CATSPERT: variants seen among roughly 807,000 people sequenced by gnomAD.
The protein encoded by CATSPERT is catsper channel auxiliary subunit tau.
At chr2:201,587,034 G>T in the CATSPERT span, among the ~76,000 whole-genome samples, 2 of 151,186 alleles carry the variant, frequency 1.3e-5, no homozygotes, top group Admixed American at 6.6e-5. Flanking sequence ...ACTTTTAGTG[G>T]TTGCTGTAGG....
At chr2:201,567,447 C>T in the CATSPERT span, among the ~76,000 whole-genome samples, 76 of 152,062 alleles carry the variant, frequency 5.0e-4, no homozygotes, top group African/African-American at 1.8e-3. Flanking sequence ...CTGAGAAGTC[C>T]CAAGATCTGC....
At chr2:201,490,868 C>T in the CATSPERT span, among the ~76,000 whole-genome samples, 7 of 152,038 alleles carry the variant, frequency 4.6e-5, no homozygotes, top group African/African-American at 1.4e-4. Context: ...GGACTGCAGG[C>T]GCCCGCCACC....
the CATSPERT span, chr2:201,557,950 T>C: frequency 5.3e-5 from 8 of 152,340 alleles, no homozygotes; most frequent in African/African-American, 1.7e-4. Flanking sequence ...TCTTTAGAGC[T>C]ACACTCTTCA....
chr2:201,571,177 A>C, the CATSPERT span, among the ~76,000 whole-genome samples: 1 of 152,080 alleles, frequency 6.6e-6, no homozygotes, highest in Non-Finnish European at 1.5e-5. Flanking sequence ...AGGTAAACAT[A>C]AGAAAAAGTT....
chr2:201,500,743 C>G, the CATSPERT span, among the ~76,000 whole-genome samples: 1 of 152,018 alleles, frequency 6.6e-6, no homozygotes, highest in Non-Finnish European at 1.5e-5. Context: ...CACAATATTA[C>G]GATTTAAGGC....
At chr2:201,560,893 C>T in the CATSPERT span, among the ~76,000 whole-genome samples, 1 of 152,074 alleles carries the variant, frequency 6.6e-6, no homozygotes, top group Admixed American at 6.5e-5. Flanking sequence ...AACGATTCTC[C>T]TGCCTCAGGC....
the CATSPERT span, chr2:201,536,057 A>G: frequency 3.1e-6 from 5 of 1,613,084 alleles, no homozygotes; most frequent in Non-Finnish European, 4.2e-6. Flanking sequence ...AAATGCTTGG[A>G]TAGTTATCTT....
At chr2:201,592,029 A>G in the CATSPERT span, among the ~76,000 whole-genome samples, 8 of 152,098 alleles carry the variant, frequency 5.3e-5, no homozygotes, top group African/African-American at 1.9e-4. Flanking sequence ...TATGTTGAAT[A>G]GGAGTGGTGA....
chr2:201,608,703 G>C, the CATSPERT span, among the ~76,000 whole-genome samples: 2 of 151,922 alleles, frequency 1.3e-5, no homozygotes, highest in African/African-American at 4.8e-5. Flanking sequence ...TACAGTCCTA[G>C]CTACTCAGGA....
At chr2:201,533,616 CTTCAAGCCTGAGCTTG>C in the CATSPERT span, among the ~76,000 whole-genome samples, 1 of 152,312 alleles carries the variant, frequency 6.6e-6, no homozygotes, top group Non-Finnish European at 1.5e-5. Flanking sequence ...ACATTTTGTA[CTTCAAGCCTGAGCTTG>C]ATGCAGTAAT....
At chr2:201,520,223 G>A in the CATSPERT span, among the ~76,000 whole-genome samples, 1 of 152,068 alleles carries the variant, frequency 6.6e-6, no homozygotes, top group African/African-American at 2.4e-5. Flanking sequence ...GATAATAGAT[G>A]GAGACTTCAA....
the CATSPERT span, among the ~76,000 whole-genome samples, chr2:201,506,542 C>T: frequency 1.3e-5 from 2 of 152,010 alleles, no homozygotes; most frequent in Admixed American, 6.5e-5. Context: ...TAAAAATTAA[C>T]CCCATTCTTT....
the CATSPERT span, among the ~76,000 whole-genome samples, chr2:201,490,556 T>C: frequency 3.3e-5 from 5 of 152,196 alleles, no homozygotes; most frequent in South Asian, 6.2e-4. Context: ...TGGGAGAATC[T>C]GCCCAGAGGA....
At chr2:201,595,928 GA>G in the CATSPERT span, among the ~76,000 whole-genome samples, 1 of 5,072 alleles carries the variant, frequency 2.0e-4, no homozygotes, top group Non-Finnish European at 1.2e-3. Context: ...AAAAAAAACA[GA>G]TGCTGACGAA....
At chr2:201,524,816 T>G in the CATSPERT span, among the ~76,000 whole-genome samples, 2 of 152,202 alleles carry the variant, frequency 1.3e-5, no homozygotes, top group Admixed American at 6.5e-5. Flanking sequence ...GCAGTTGCTA[T>G]TCTTATTTCA....
At chr2:201,611,933 G>C in the CATSPERT span, among the ~76,000 whole-genome samples, 2 of 152,176 alleles carry the variant, frequency 1.3e-5, no homozygotes, top group African/African-American at 2.4e-5. Flanking sequence ...TCACTTTGCA[G>C]ACAGGATGCA....
the CATSPERT span, among the ~76,000 whole-genome samples, chr2:201,506,657 G>A: frequency 1.2e-4 from 19 of 152,022 alleles, no homozygotes; most frequent in African/African-American, 4.3e-4. Flanking sequence ...GGGTTCAAGC[G>A]ATTCTCCTGC....
chr2:201,551,736 C>A, the CATSPERT span, among the ~76,000 whole-genome samples: 142 of 152,192 alleles, frequency 9.3e-4, no homozygotes, highest in African/African-American at 3.3e-3. Flanking sequence ...GAAACCCCGT[C>A]TCTACTAAAA....
chr2:201,584,466 A>G, the CATSPERT span, among the ~76,000 whole-genome samples: 1 of 151,984 alleles, frequency 6.6e-6, no homozygotes, highest in Admixed American at 6.6e-5. Flanking sequence ...GATTAAGAAA[A>G]TGGAGCAGAG....
Sources: gnomAD v4.1 joint callset for allele counts (sites outside exome capture counted in the v4.1 genomes callset) on GRCh38, gnomAD v4.1.1 for gene constraint, MANE v1.5 for transcripts, NCBI Gene and HGNC (gene_info 2026-07-23, HGNC 2026-07-21) for gene names.